C19orf38: variants seen among roughly 807,000 people sequenced by gnomAD.
The protein encoded by C19orf38 is chromosome 19 open reading frame 38.
In C19orf38, 14 loss-of-function variants were observed where a neutral mutation model predicts 26.6. The observed-to-expected ratio is 0.53, with a 90% CI of 0.35 to 0.82. The LOEUF (loss-of-function observed/expected upper bound fraction) is 0.82, where lower values mean the gene tolerates loss of function less well. C19orf38 is among the 40% of genes least tolerant of loss of function. C19orf38 has a pLI of 0.01. For synonymous variants in C19orf38, 132 were observed against 128.5 expected (o/e 1.03, Z -0.18); for missense variants, 261 against 299.5 (o/e 0.87, Z 0.95).
intron 1 of C19orf38, among the ~76,000 whole-genome samples, chr19:10,842,715 C>T (rs1350491411): frequency 1.3e-5 from 2 of 151,948 alleles, no homozygotes; most frequent in African/African-American, 4.8e-5. Context: ...CCAACCTGTG[C>T]AACAGAGAGA....
At chr19:10,866,031 A>T (rs933516724) in intron 6 of C19orf38, among the ~76,000 whole-genome samples, 2 of 150,474 alleles carry the variant, frequency 1.3e-5, no homozygotes, top group South Asian at 2.1e-4. Flanking sequence ...TTTTATTTTT[A>T]AATTTTATTT....
intron 1 of C19orf38, among the ~76,000 whole-genome samples, chr19:10,839,007 C>G (rs982711655): frequency 1.3e-5 from 2 of 151,990 alleles, no homozygotes; most frequent in Admixed American, 1.3e-4. Context: ...CTCCGCCTCC[C>G]AGGTTCAAGG....
intron 3 of C19orf38, among the ~76,000 whole-genome samples, chr19:10,857,339 C>CATATATATATATATATATAT (rs1215628613): frequency 1.1e-4 from 6 of 54,008 alleles, no homozygotes; most frequent in Admixed American, 2.3e-4. Context: ...CACACACATA[C>CATATATATATATATATATAT]ATATATATAT....
At chr19:10,845,249 A>C (rs11673064), upstream of C19orf38, among the ~76,000 whole-genome samples, 13,552 of 152,144 alleles carry the variant, frequency 0.089, 631 homozygotes, top group African/African-American at 0.12. Context: ...TATTTAGAGA[A>C]TATTATACCA....
chr19:10,847,959 GGGGC>G (rs2146247779), upstream of C19orf38, among the ~76,000 whole-genome samples: 1 of 152,130 alleles, frequency 6.6e-6, no homozygotes, highest in South Asian at 2.1e-4. Context: ...TTGGGAGGCT[GGGGC>G]GGGCAGATAA....
intron 5 of C19orf38, 108 bp from the exon 6 acceptor site, chr19:10,863,062 G>A: frequency 8.7e-7 from 1 of 1,146,790 alleles, no homozygotes; most frequent in Non-Finnish European, 1.3e-6. Flanking sequence ...GCTGGGAGAT[G>A]GACCCCAATT....
intron 1 of C19orf38, among the ~76,000 whole-genome samples, chr19:10,841,085 T>G (rs994210625): frequency 1.3e-5 from 2 of 152,192 alleles, no homozygotes; most frequent in Admixed American, 1.3e-4. Context: ...CATTCATGTC[T>G]TTTGCCCATT....
At chr19:10,864,797 GC>G (rs1308336920) in intron 6 of C19orf38, among the ~76,000 whole-genome samples, 1 of 152,146 alleles carries the variant, frequency 6.6e-6, no homozygotes, top group Non-Finnish European at 1.5e-5. Flanking sequence ...TGATGAGGGG[GC>G]CAAGGGAGAA....
rs1179516653 is a variant in C19orf38, at chr19:10,869,332, A to G, written c.658A>G (p.Thr220Ala). 2.6e-6 allele frequency: 4 copies of G among 1,551,048 alleles called. No individual in the cohort carries two copies. The South Asian group carries it at 4.8e-5, about 18-fold the overall frequency. ...CACTTCCACGTCCTCCTCGCCTGAG[A>G]CCCCCGAATTCAGCACTTTCCGGGC... ...RPTSTSSSPE[T>A]PEFSTFRACQ Residue 220 changes from threonine to alanine, a missense_variant, in exon 7 of 7, where the codon ACC becomes GCC. Coordinates refer to ENST00000397820, the MANE Select transcript of C19orf38 (RefSeq NM_001136482.3).
rs532606684 is a variant in C19orf38, at chr19:10,861,617, G to A, written c.506-1553G>A. Among the ~76,000 whole-genome samples, 12 of 151,960 alleles carry A rather than the reference G, an allele frequency of 7.9e-5. No homozygotes were observed. The East Asian group carries it at 1.2e-3, about 15-fold the overall frequency. On this transcript the variant is annotated intron_variant, in intron 5 of 6. Coordinates refer to ENST00000397820, the MANE Select transcript of C19orf38 (RefSeq NM_001136482.3). ...TTTTGAGATGGAGTCTCATTGTGTC[G>A]CCCAGGTTGGAGTGCAGTGGCACGA...
intron 1 of C19orf38, among the ~76,000 whole-genome samples, chr19:10,840,700 G>T (rs1318842903): frequency 1.3e-5 from 2 of 152,122 alleles, no homozygotes; most frequent in Non-Finnish European, 2.9e-5. Context: ...TGTATTTTTA[G>T]TAGAGACGTG....
chr19:10,838,910 CT>C (rs1022588328), intron 1 of C19orf38, among the ~76,000 whole-genome samples: 1 of 149,684 alleles, frequency 6.7e-6, no homozygotes, highest in African/African-American at 2.5e-5. Flanking sequence ...ATTTCTTTTT[CT>C]TTTTTTTTCT....
intron 5 of C19orf38, among the ~76,000 whole-genome samples, chr19:10,862,289 C>T (rs576675782): frequency 1.3e-5 from 2 of 150,668 alleles, no homozygotes; most frequent in South Asian, 2.1e-4. Context: ...ACTGCAGCCT[C>T]GACCTCCTAG....
intron 2 of C19orf38, among the ~76,000 whole-genome samples, chr19:10,851,837 G>A (rs892016249): frequency 7.2e-5 from 11 of 151,854 alleles, no homozygotes; most frequent in Admixed American, 3.3e-4. Context: ...GCGCGGTGGC[G>A]GGCACCTGTA....
At chr19:10,838,168 T>C (rs915276569) in intron 1 of C19orf38, among the ~76,000 whole-genome samples, 5 of 152,164 alleles carry the variant, frequency 3.3e-5, no homozygotes, top group African/African-American at 1.2e-4. Flanking sequence ...CCCAACACTT[T>C]TGGAGGCCAA....
At chr19:10,854,007 C>T (rs868408274) in intron 2 of C19orf38, among the ~76,000 whole-genome samples, 7 of 150,774 alleles carry the variant, frequency 4.6e-5, no homozygotes, top group Non-Finnish European at 8.8e-5. Flanking sequence ...GAGCCATGAT[C>T]GCACCACTGC....
At position 10,869,364 on chromosome 19, in the gene C19orf38, G is replaced by T. The variant is rs1237050550; in HGVS notation, c.690G>T (p.Gln230His). The T allele has an allele frequency of 1.3e-6, 2 of 1,549,734 alleles. No homozygotes were observed. ...TPEFSTFRAC[Q>H] ...AATTCAGCACTTTCCGGGCCTGCCAGTGAGGCTGAGGACTGGGGGACCCCT... is the reference window on the plus strand; with the variant it reads ...AATTCAGCACTTTCCGGGCCTGCCATTGAGGCTGAGGACTGGGGGACCCCT... Residue 230 changes from glutamine (Q) to histidine (H), a missense_variant, in exon 7 of 7, where the codon CAG becomes CAT. Transcript: ENST00000397820.
chr19:10,859,280 A>AGG (rs2073665420), intron 4 of C19orf38, among the ~76,000 whole-genome samples: 1 of 40,054 alleles, frequency 2.5e-5, no homozygotes, highest in Non-Finnish European at 5.4e-5. Flanking sequence ...GTGTGTGTGT[A>AGG]TGTGTGTGTG....
chr19:10,854,410 G>T (rs1416842378), intron 2 of C19orf38, among the ~76,000 whole-genome samples: 1 of 152,128 alleles, frequency 6.6e-6, no homozygotes, highest in Non-Finnish European at 1.5e-5. Context: ...AAATAATCTT[G>T]TTGCCAGCCG....
Sources: allele counts gnomAD v4.1 joint callset (sites outside exome capture counted in the v4.1 genomes callset), GRCh38; gene constraint gnomAD v4.1.1; transcripts MANE v1.5; gene names NCBI Gene and HGNC (gene_info 2026-07-23, HGNC 2026-07-21).